ANK2: variants seen among roughly 807,000 people sequenced by gnomAD.
The protein encoded by ANK2 is ankyrin 2, also known as ankyrin-2.
In ANK2, 83 loss-of-function variants were observed where a neutral mutation model predicts 360.5. The ratio of observed to expected loss-of-function variants is 0.23; its 90% CI spans 0.19 to 0.28. The LOEUF (loss-of-function observed/expected upper bound fraction) is 0.28, where lower values mean the gene tolerates loss of function less well. ANK2 is among the 10% of genes least tolerant of loss of function. ANK2 has a pLI of 1.00. For missense variants in ANK2, 4,201 were observed against 4,795.7 expected, an observed-to-expected ratio of 0.88 and a Z score of 3.66; for synonymous variants, 1,740 against 1,759.5, an observed-to-expected ratio of 0.99 and a Z score of 0.28.
intron 2 of ANK2, among the ~76,000 whole-genome samples, chr4:112,950,619 G>A (rs1314640863): frequency 2.0e-5 from 3 of 148,848 alleles, no homozygotes. Context: ...ACTCCAGCCT[G>A]GGTGACAGAG....
At chr4:112,913,951 G>A (rs1026293861) in intron 2 of ANK2, among the ~76,000 whole-genome samples, 1 of 151,888 alleles carries the variant, frequency 6.6e-6, no homozygotes, top group East Asian at 1.9e-4. Context: ...GGAATATTTT[G>A]TTGAGTAATA....
At chr4:112,828,236 T>C (rs1413056812) in intron 1 of ANK2, among the ~76,000 whole-genome samples, 1 of 141,738 alleles carries the variant, frequency 7.1e-6, no homozygotes, top group Admixed American at 6.9e-5. Flanking sequence ...TACGGACTTT[T>C]TTTTTTTTTT....
chr4:113,156,407 A>G (rs62313837), intron 1 of ANK2, among the ~76,000 whole-genome samples: 36,044 of 132,060 alleles, frequency 0.27, 5,369 homozygotes, highest in East Asian at 0.52. Flanking sequence ...TTTCACTCCC[A>G]TAGCCCAGGC....
At chr4:113,254,371 G>A (rs2048161150) in intron 10 of ANK2, among the ~76,000 whole-genome samples, 1 of 152,124 alleles carries the variant, frequency 6.6e-6, no homozygotes, top group Non-Finnish European at 1.5e-5. Context: ...AAGTAAATAT[G>A]CGTAAAATCA....
chr4:112,906,554 G>A (rs2085294127), intron 2 of ANK2, among the ~76,000 whole-genome samples: 2 of 151,930 alleles, frequency 1.3e-5, no homozygotes, highest in Non-Finnish European at 2.9e-5. Flanking sequence ...TGATGGAGGA[G>A]GTGGTCTAGG....
At chr4:112,946,656 C>T (rs2094562710) in intron 2 of ANK2, among the ~76,000 whole-genome samples, 1 of 152,116 alleles carries the variant, frequency 6.6e-6, no homozygotes, top group African/African-American at 2.4e-5. Flanking sequence ...TTTTGGAATT[C>T]ATAAGTGTAA....
chr4:113,319,262 ATACT>A (rs2084661431), intron 26 of ANK2, among the ~76,000 whole-genome samples: 1 of 152,126 alleles, frequency 6.6e-6, no homozygotes, highest in African/African-American at 2.4e-5. Context: ...ACTTTCAAAC[ATACT>A]TAAAGTTGTT....
rs78666634 is a variant in ANK2 at position 113,069,303 on chromosome 4, G to C, written c.84+19491G>C. Among the ~76,000 whole-genome samples the C allele has an allele frequency of 4.2e-3, 640 of 152,296 alleles. 23 individuals carry two copies. The East Asian group carries it at 0.098, about 23-fold the overall frequency. On this transcript the variant is annotated intron_variant, in intron 1 of 45. Coordinates refer to ENST00000357077, the MANE Select transcript of ANK2 (RefSeq NM_001148.6). ...TGTTATAAAACAGCTTTGCCACCTG[G>C]AGAGTAGAATTTAAAAATTTATTGG...
intron 35 of ANK2, chr4:113,348,067 T>C: frequency 3.4e-6 from 2 of 585,790 alleles, no homozygotes; most frequent in South Asian, 4.2e-5. Context: ...CTTTTGTCTC[T>C]TGAATCTATA....
intron 2 of ANK2, among the ~76,000 whole-genome samples, chr4:112,971,607 G>A (rs1347254451): frequency 6.6e-6 from 1 of 152,212 alleles, no homozygotes; most frequent in Non-Finnish European, 1.5e-5. Context: ...AGTCTTTATG[G>A]TTGGAAAGAA....
chr4:113,316,951 T>G (rs1588063539), intron 24 of ANK2, among the ~76,000 whole-genome samples: 1 of 152,232 alleles, frequency 6.6e-6, no homozygotes, highest in South Asian at 2.1e-4. Context: ...GTCTGTGTTC[T>G]GGGCTGGAGC....
chr4:113,371,201 G>C (rs1053932485), intron 43 of ANK2, among the ~76,000 whole-genome samples: 2 of 152,064 alleles, frequency 1.3e-5, no homozygotes, highest in African/African-American at 4.8e-5. Flanking sequence ...ATTTGTTTTT[G>C]TTCACTGTAA....
chr4:113,177,873 C>T (rs1007687784), intron 2 of ANK2, among the ~76,000 whole-genome samples: 1 of 152,176 alleles, frequency 6.6e-6, no homozygotes, highest in Non-Finnish European at 1.5e-5. Flanking sequence ...TGATATTTTT[C>T]TAACTTGTAA....
chr4:113,049,572 T>C, upstream of ANK2: 2 of 1,431,584 alleles, frequency 1.4e-6, no homozygotes, highest in Admixed American at 4.2e-5. Flanking sequence ...TGGCAGCTGC[T>C]GCCATGGCAA....
chr4:113,082,185 C>A (rs2082666184), intron 1 of ANK2, among the ~76,000 whole-genome samples: 1 of 152,162 alleles, frequency 6.6e-6, no homozygotes, highest in Admixed American at 6.5e-5. Context: ...TACCAAATTA[C>A]ATTTTTAGCT....
chr4:113,287,216 G>C (rs1300494968), intron 18 of ANK2, among the ~76,000 whole-genome samples: 1 of 152,116 alleles, frequency 6.6e-6, no homozygotes, highest in East Asian at 1.9e-4. Context: ...TGATTATTAT[G>C]CTTATAAAAT....
chr4:113,155,369 C>A (rs530962722), intron 1 of ANK2, among the ~76,000 whole-genome samples: 1 of 152,148 alleles, frequency 6.6e-6, no homozygotes, highest in East Asian at 1.9e-4. Context: ...AGTGATAGAA[C>A]CAGGATTAGA....
At chr4:113,200,645 A>G (rs1259499353) in intron 4 of ANK2, among the ~76,000 whole-genome samples, 1 of 152,214 alleles carries the variant, frequency 6.6e-6, no homozygotes, top group African/African-American at 2.4e-5. Flanking sequence ...ATGTTGCTGC[A>G]AAGGATGTAA....
intron 1 of ANK2, among the ~76,000 whole-genome samples, chr4:113,129,285 G>C (rs2095861978): frequency 6.6e-6 from 1 of 152,118 alleles, no homozygotes; most frequent in Non-Finnish European, 1.5e-5. Context: ...AATCTAGCTT[G>C]TGTTTAACTA....
Sources: gnomAD v4.1 joint callset for allele counts (sites outside exome capture counted in the v4.1 genomes callset) on GRCh38, gnomAD v4.1.1 for gene constraint, MANE v1.5 for transcripts, NCBI Gene and HGNC (gene_info 2026-07-23, HGNC 2026-07-21) for gene names.